Variants in CPLANE1 observed in about 807,000 individuals in gnomAD.
The protein encoded by CPLANE1 is ciliogenesis and planar polarity effector complex subunit 1, also known as ciliogenesis and planar polarity effector 1.
A neutral mutation model predicts 362.5 loss-of-function variants in CPLANE1; 263 were observed. The ratio of observed to expected loss-of-function variants is 0.73; its 90% CI spans 0.66 to 0.80. The LOEUF is 0.80. Ranked by LOEUF, CPLANE1 falls within the 30% of genes least tolerant of loss-of-function variation. The pLI is 0.00. For synonymous variants in CPLANE1, 1,212 were observed against 1,302.6 expected (o/e 0.93, Z 1.50); for missense variants, 3,461 against 3,793.4 (o/e 0.91, Z 2.30).
At chr5:37,210,281 A>T in intron 16 of CPLANE1, 5 of 1,596,122 alleles carry the variant, frequency 3.1e-6, no homozygotes, top group Non-Finnish European at 4.3e-6. Context: ...TGAAGCAAAG[A>T]GTTGAAGCTT....
chr5:37,116,349 G>A (rs574923053), intron 50 of CPLANE1, among the ~76,000 whole-genome samples: 5 of 152,092 alleles, frequency 3.3e-5, no homozygotes, highest in African/African-American at 4.8e-5. Context: ...AGTTGGGCAC[G>A]GTGGTGCAAG....
intron 43 of CPLANE1, among the ~76,000 whole-genome samples, chr5:37,147,223 T>G (rs1434500228): frequency 6.6e-6 from 1 of 152,180 alleles, no homozygotes; most frequent in Non-Finnish European, 1.5e-5. Flanking sequence ...CAAATAAATG[T>G]GGAACATAAT....
intron 4 of CPLANE1, 57 bp from the exon 5 acceptor site, chr5:37,244,664 A>C: frequency 1.0e-6 from 1 of 960,572 alleles, no homozygotes; most frequent in Non-Finnish European, 1.6e-6. Context: ...CCCCCCAATA[A>C]AGTACATAAT....
the CPLANE1 span, among the ~76,000 whole-genome samples, chr5:37,099,038 A>T: frequency 1.3e-5 from 2 of 152,158 alleles, no homozygotes; most frequent in Non-Finnish European, 2.9e-5. Context: ...AAGGAAAGAC[A>T]TTATAAAGAT....
In CPLANE1 at chr5:37,121,744, C is replaced by T. The variant is rs1204050098; in HGVS notation, c.9058G>A (p.Ala3020Thr). The T allele has an allele frequency of 6.2e-7, 1 of 1,614,036 alleles. No homozygotes were observed. Among genetic ancestry groups the T allele is most frequent in the African/African-American group, 1.3e-5 (1 of 75,040 alleles). Residue 3020 changes from alanine (A) to threonine (T), a missense_variant, in exon 49 of 53, where the codon GCG (alanine) becomes ACG (threonine). Transcript: ENST00000651892. Reference protein sequence around the residue: ...SEHYSRRISQAYGLMNELLSE... With the variant: ...SEHYSRRISQTYGLMNELLSE... ...AACAGTTCATTCATCAGACCGTACGCTTGTGAGATTCGACGACTATAGTGT... is the reference window on the plus strand; with the variant it reads ...AACAGTTCATTCATCAGACCGTACGTTTGTGAGATTCGACGACTATAGTGT...
chr5:37,228,720 A>G (rs1797004507), intron 9 of CPLANE1, among the ~76,000 whole-genome samples: 1 of 152,172 alleles, frequency 6.6e-6, no homozygotes, highest in African/African-American at 2.4e-5. Flanking sequence ...GAAGTATAGG[A>G]TTACAAGTAT....
chr5:37,148,317 T>A, intron 42 of CPLANE1, 49 bp from the exon 43 acceptor site: 1 of 1,316,352 alleles, frequency 7.6e-7, no homozygotes, highest in South Asian at 1.4e-5. Context: ...TTTGATAATT[T>A]CAAAATAACA....
chr5:37,246,698 G>A (rs1297308964), intron 2 of CPLANE1, among the ~76,000 whole-genome samples: 7 of 152,118 alleles, frequency 4.6e-5, no homozygotes, highest in Admixed American at 4.6e-4. Flanking sequence ...CAGAAGTGAG[G>A]AGTTCAAGAC....
At chr5:37,203,551 T>C (rs1047858341) in intron 18 of CPLANE1, among the ~76,000 whole-genome samples, 1 of 152,228 alleles carries the variant, frequency 6.6e-6, no homozygotes, top group African/African-American at 2.4e-5. Flanking sequence ...TCTCACTCTG[T>C]CACCCAGGCT....
rs1252246154 is a variant in CPLANE1, at chr5:37,121,678, A to G, written c.9124T>C (p.Leu3042=). 1.2e-6 allele frequency: 2 copies of G among 1,614,152 alleles called. No homozygotes were observed. The highest frequency in any genetic ancestry group is 1.1e-5 in the South Asian group (1 of 91,084). The part of the protein sequence containing the change: ...VQLPTLPQKP[L]PNKPSPTQSS... ...TGAGTAGGGCTGGGTTTGTTAGGCA[A>G]TGGTTTCTGTGGTAGAGTTGGTAGC... The change falls in exon 49 of 53, where the codon TTG becomes CTG. Residue 3042 remains leucine, a synonymous_variant. Coordinates refer to ENST00000651892, the MANE Select transcript of CPLANE1 (RefSeq NM_001384732.1).
intron 46 of CPLANE1, among the ~76,000 whole-genome samples, chr5:37,138,018 T>A (rs891582354): frequency 2.6e-5 from 4 of 152,076 alleles, no homozygotes; most frequent in African/African-American, 7.2e-5. Flanking sequence ...GTATATTCTG[T>A]GGTTGATGGG....
Position 37,146,497 on chromosome 5 carries a change from C to T in CPLANE1, c.8461+1684G>A, listed in dbSNP as rs201208869. ...CGGCCTAAAAGACTATTTTTTGAAA[C>T]GAGACAATTGGCAACATTTGAACTC... On this transcript the variant is annotated intron_variant, in intron 43 of 52. Transcript: ENST00000651892. Among the ~76,000 whole-genome samples, 537 of 151,990 alleles carry T rather than the reference C, an allele frequency of 3.5e-3. 7 individuals carry two copies. Among genetic ancestry groups the T allele is most frequent in the African/African-American group, 0.012 (495 of 41,470 alleles).
intron 15 of CPLANE1, among the ~76,000 whole-genome samples, chr5:37,221,118 A>T (rs1252106198): frequency 6.6e-6 from 1 of 152,208 alleles, no homozygotes. Flanking sequence ...AGAGAGGTAG[A>T]ACAACCAACT....
In CPLANE1 at chr5:37,209,158, G is replaced by A. The variant is rs1791851119; in HGVS notation, c.2921-2733C>T. Among the ~76,000 whole-genome samples, 1 of 152,228 alleles carries A rather than the reference G, an allele frequency of 6.6e-6. No individual in the cohort carries two copies. The highest frequency in any genetic ancestry group is 6.5e-5 in the Admixed American group (1 of 15,288). On this transcript the variant is annotated intron_variant, in intron 16 of 52. Transcript: ENST00000651892. This position sits in a 1 kb window ranked among gnomAD's most constrained non-coding sequence, Gnocchi z 4.6. Reference sequence around the variant, plus strand: ...TCATTCCTCAGAACCGCGAAGAAAGGAAGCTAGCGTGTTTGTTAGAAAACC... The same window carrying A: ...TCATTCCTCAGAACCGCGAAGAAAGAAAGCTAGCGTGTTTGTTAGAAAACC...
rs768993379 is a variant in CPLANE1, at chr5:37,183,696, A to G, written c.4485T>C (p.Asn1495=). 1.3e-6 allele frequency: 2 copies of G among 1,554,082 alleles called. No individual in the cohort carries two copies. Among genetic ancestry groups the G allele is most frequent in the South Asian group, 2.4e-5 (2 of 81,634 alleles). Residue 1495 remains asparagine (N), a synonymous_variant, in exon 26 of 53, where the codon AAT becomes AAC. Coordinates refer to ENST00000651892, the MANE Select transcript of CPLANE1 (RefSeq NM_001384732.1). ...ATGTTAATTCCATGTGATTTGGGGC[A>G]TTTCTATAGCAAAAAAATAAAATAA... ...EKSRINIYQR[N]APNHMELTSI...
In CPLANE1 at chr5:37,138,719, C is replaced by A. The variant is rs886041757; in HGVS notation, c.8792+1G>T. On this transcript the variant is annotated splice_donor_variant, in intron 46 of 52. Transcript: ENST00000651892. LOFTEE classifies it high-confidence loss of function. ...TTAAAAATGAATTATTCAATGATTA[C>A]CTGGAGGTGCCCATAGCTTGTTCTG... The A allele has an allele frequency of 6.2e-7, 1 of 1,603,548 alleles. No homozygotes were observed. Among genetic ancestry groups the A allele is most frequent in the African/African-American group, 1.3e-5 (1 of 74,372 alleles).
At chr5:37,089,083 T>C in the CPLANE1 span, among the ~76,000 whole-genome samples, 1 of 152,130 alleles carries the variant, frequency 6.6e-6, no homozygotes, top group South Asian at 2.1e-4. Flanking sequence ...AATTAATCAC[T>C]GATCAAGGAC....
Position 37,167,061 on chromosome 5 carries a change from C to T in CPLANE1, c.7386G>A (p.Lys2462=), listed in dbSNP as rs1778444990. The change falls in exon 35 of 53, where the codon AAG becomes AAA. Residue 2462 remains lysine, a synonymous_variant. Transcript: ENST00000651892. ...TTAAGCCTTGCCTTTTTTTACTGTC[C>T]TTTCCTTGTCTTACTTCAGGTGGTT... ...KIEPPEVRQG[K]DSKKRQRRRA... 1.2e-6 allele frequency: 2 copies of T among 1,609,912 alleles called. No individual in the cohort carries two copies. The highest frequency in any genetic ancestry group is 1.3e-5 in the African/African-American group (1 of 74,804).
chr5:37,211,443 G>A (rs1386648243), intron 16 of CPLANE1: 22 of 1,483,904 alleles, frequency 1.5e-5, no homozygotes, highest in Middle Eastern at 3.6e-4. Flanking sequence ...TATTTTTGCA[G>A]AGGACAGAGT....
Sources: gnomAD v4.1 joint callset for allele counts (sites outside exome capture counted in the v4.1 genomes callset) on GRCh38, gnomAD v4.1.1 for gene constraint, Gnocchi (gnomAD v3.1) non-coding constraint, MANE v1.5 for transcripts, NCBI Gene and HGNC (gene_info 2026-07-23, HGNC 2026-07-21) for gene names.